Variants in ABCD3 observed in about 807,000 individuals in gnomAD.
ABCD3 encodes the protein ATP-binding cassette sub-family D member 3.
In ABCD3, 41 loss-of-function variants were observed where a neutral mutation model predicts 105.5. The observed-to-expected ratio is 0.39, with a 90% CI of 0.30 to 0.50. The LOEUF is 0.50. ABCD3 is among the 20% of genes least tolerant of loss of function. The probability of loss-of-function intolerance (pLI) is 0.84; values close to 1 mark genes in which losing one functional copy is unlikely to be tolerated. For missense variants in ABCD3, 622 were observed against 806.3 expected (o/e 0.77, Z 2.77); for synonymous variants, 258 against 269.0 (o/e 0.96, Z 0.40).
chr1:94,481,151 T>C (rs1404041062), intron 9 of ABCD3, among the ~76,000 whole-genome samples: 1 of 152,212 alleles, frequency 6.6e-6, no homozygotes, highest in African/African-American at 2.4e-5. Flanking sequence ...CTTTTGTTTA[T>C]AATAGGTAGA....
the ABCD3 span, among the ~76,000 whole-genome samples, chr1:94,401,099 C>T: frequency 6.6e-6 from 1 of 152,134 alleles, no homozygotes; most frequent in Non-Finnish European, 1.5e-5. Context: ...CCTTAGAATT[C>T]CCAGCCTCCA....
intron 22 of ABCD3, among the ~76,000 whole-genome samples, 167 bp downstream of exon 22, chr1:94,515,369 T>C (rs556987972): frequency 2.6e-5 from 4 of 152,114 alleles, no homozygotes; most frequent in African/African-American, 9.6e-5. Context: ...AATATTATAG[T>C]TGTCAGTTTT....
At chr1:94,497,881 T>C (rs1356580158) in intron 16 of ABCD3, among the ~76,000 whole-genome samples, 1 of 152,228 alleles carries the variant, frequency 6.6e-6, no homozygotes, top group Non-Finnish European at 1.5e-5. Flanking sequence ...GGAATCTGAA[T>C]ATACTGACCT....
chr1:94,453,814 A>G (rs1647392540), intron 1 of ABCD3, among the ~76,000 whole-genome samples: 1 of 148,994 alleles, frequency 6.7e-6, no homozygotes, highest in Non-Finnish European at 1.5e-5. Context: ...CAAAGAATCA[A>G]CTCTTGAATT....
chr1:94,511,504 T>C (rs909164881), intron 21 of ABCD3, among the ~76,000 whole-genome samples: 42 of 152,218 alleles, frequency 2.8e-4, no homozygotes, highest in African/African-American at 8.9e-4. Flanking sequence ...ATCTTTGTGG[T>C]GTTCTCTGTA....
At chr1:94,516,721 G>A (rs1650936977) in intron 22 of ABCD3, among the ~76,000 whole-genome samples, 1 of 151,854 alleles carries the variant, frequency 6.6e-6, no homozygotes, top group African/African-American at 2.4e-5. Flanking sequence ...TCAGAGGTTA[G>A]GATATATCGG....
rs373478549 is a variant in ABCD3, at chr1:94,470,187, A to G, written c.335+2180A>G. On this transcript the variant is annotated intron_variant, in intron 4 of 22. Transcript: ENST00000370214. ...GCAGATCTGAAAATGTCTTTCTTCT[A>G]GTCTCATACTTGATTGATAATTTAG... is the stretch of plus-strand genomic sequence containing the variant. Among the ~76,000 whole-genome samples, 151 of 152,278 alleles carry G rather than the reference A, an allele frequency of 9.9e-4. 1 individual carries two copies. In the South Asian group the frequency reaches 0.015, roughly 15 times the overall value.
Position 94,475,695 on chromosome 1 carries a change from A to G in ABCD3, c.585A>G (p.Lys195=), listed in dbSNP as rs1648706535. The G allele has an allele frequency of 1.1e-5, 18 of 1,609,378 alleles. No individual in the cohort carries two copies. The highest frequency in any genetic ancestry group is 1.4e-5 in the Non-Finnish European group (17 of 1,176,154). The change falls in exon 7 of 23, where the codon AAA becomes AAG. Residue 195 remains lysine, a synonymous_variant. Transcript: ENST00000370214. ...PDQLLTQDVE[K]FCNSVVDLYS... ...AGCTGCTTACACAAGATGTAGAAAA[A>G]TTTTGTAACAGTGTAGTCGATCTGT...
At chr1:94,449,462 T>G (rs769236679) in intron 1 of ABCD3, among the ~76,000 whole-genome samples, 8 of 152,222 alleles carry the variant, frequency 5.3e-5, no homozygotes, top group African/African-American at 1.9e-4. Flanking sequence ...ATTATACTTA[T>G]TGGGCATATT....
chr1:94,483,842 C>G (rs911240537), intron 10 of ABCD3, among the ~76,000 whole-genome samples: 1 of 152,144 alleles, frequency 6.6e-6, no homozygotes, highest in African/African-American at 2.4e-5. Context: ...AAACTACCAT[C>G]AGAGTGAACA....
intron 1 of ABCD3, among the ~76,000 whole-genome samples, chr1:94,435,402 G>C (rs1399041061): frequency 6.6e-6 from 1 of 152,102 alleles, no homozygotes; most frequent in South Asian, 2.1e-4. Flanking sequence ...TTAGGGAGGT[G>C]TGGTGGTACA....
chr1:94,464,929 C>A (rs1490267831), intron 3 of ABCD3, 56 bp downstream of exon 3: 23 of 1,376,610 alleles, frequency 1.7e-5, no homozygotes, highest in Non-Finnish European at 2.4e-5. Context: ...TAATAAAATA[C>A]CTGAGGCTGG....
At chr1:94,440,643 A>G (rs1660098841) in intron 1 of ABCD3, among the ~76,000 whole-genome samples, 2 of 152,186 alleles carry the variant, frequency 1.3e-5, no homozygotes, top group African/African-American at 4.8e-5. Flanking sequence ...GATCTTCCCG[A>G]GGTGGATAAG....
intron 2 of ABCD3, among the ~76,000 whole-genome samples, chr1:94,458,954 C>G (rs1647729310): frequency 7.3e-6 from 1 of 136,570 alleles, no homozygotes; most frequent in Admixed American, 7.5e-5. Flanking sequence ...CCTTCCCCTC[C>G]CCGCTTCCCT....
chr1:94,410,073 A>G, the ABCD3 span, among the ~76,000 whole-genome samples: 22 of 152,318 alleles, frequency 1.4e-4, no homozygotes, highest in South Asian at 3.9e-3. Flanking sequence ...AGTGGCTACA[A>G]TTTGCTTTGT....
intron 16 of ABCD3, among the ~76,000 whole-genome samples, chr1:94,497,584 T>A (rs577432968): frequency 6.6e-6 from 1 of 152,354 alleles, no homozygotes; most frequent in African/African-American, 2.4e-5. Flanking sequence ...ACTCTTTACA[T>A]TTTCTCATTT....
chr1:94,386,271 G>A, the ABCD3 span, among the ~76,000 whole-genome samples: 7 of 152,272 alleles, frequency 4.6e-5, no homozygotes, highest in African/African-American at 1.7e-4. Context: ...ATGAGCAACA[G>A]GCTTCTTGGA....
chr1:94,487,902 A>G lies in ABCD3; in HGVS notation c.1076A>G (p.Gln359Arg). 1.2e-6 allele frequency: 2 copies of G among 1,613,624 alleles called. No individual in the cohort carries two copies. The highest frequency in any genetic ancestry group is 1.7e-6 in the Non-Finnish European group (2 of 1,179,628). Reference sequence around the variant, plus strand: ...TTATTTCTATTTAAGGATTACTACCAAAGTGGAAGAATGCTTTTGCGAATG... The same window carrying G: ...TTATTTCTATTTAAGGATTACTACCGAAGTGGAAGAATGCTTTTGCGAATG... Reference protein sequence around the residue: ...THSELLEDYYQSGRMLLRMSQ... With the variant: ...THSELLEDYYRSGRMLLRMSQ... Residue 359 changes from glutamine (Q) to arginine (R), a missense_variant, in exon 13 of 23, where the codon CAA (glutamine) becomes CGA (arginine). Coordinates refer to ENST00000370214, the MANE Select transcript of ABCD3 (RefSeq NM_002858.4).
chr1:94,462,779 G>C (rs1647942046), intron 2 of ABCD3, among the ~76,000 whole-genome samples: 1 of 152,164 alleles, frequency 6.6e-6, no homozygotes, highest in African/African-American at 2.4e-5. Flanking sequence ...TAAAGTTCCA[G>C]CTAGCAATAG....
Sources: gnomAD v4.1 joint callset for allele counts (sites outside exome capture counted in the v4.1 genomes callset) on GRCh38, gnomAD v4.1.1 for gene constraint, MANE v1.5 for transcripts, NCBI Gene and HGNC (gene_info 2026-07-23, HGNC 2026-07-21) for gene names.